Variants in FRMD5 observed in about 807,000 individuals in gnomAD.
FRMD5 encodes FERM domain containing 5, also known as FERM domain-containing protein 5.
A neutral mutation model predicts 69.0 loss-of-function variants in FRMD5; 20 were observed. The ratio of observed to expected loss-of-function variants is 0.29; its 90% CI spans 0.20 to 0.42. The LOEUF is 0.42. Ranked by LOEUF, FRMD5 falls within the 10% of genes least tolerant of loss-of-function variation. The pLI, the probability that FRMD5 is intolerant of heterozygous loss-of-function variation, is 1.00. For missense variants in FRMD5, 595 were observed against 708.6 expected (o/e 0.84, Z 1.82); for synonymous variants, 271 against 260.1 (o/e 1.04, Z -0.40).
chr15:44,036,718 A>G (rs964523334), intron 1 of FRMD5, among the ~76,000 whole-genome samples: 2 of 152,232 alleles, frequency 1.3e-5, no homozygotes, highest in African/African-American at 4.8e-5. Context: ...ACAAAATAGT[A>G]TATCATCTGT....
chr15:44,083,024 C>T (rs985190673), intron 1 of FRMD5, among the ~76,000 whole-genome samples: 2 of 151,924 alleles, frequency 1.3e-5, no homozygotes, highest in Non-Finnish European at 2.9e-5. Context: ...ATACTCTGTA[C>T]GTGATTCACT....
chr15:44,175,338 A>G (rs12916906), intron 1 of FRMD5, among the ~76,000 whole-genome samples: 5,345 of 152,284 alleles, frequency 0.035, 128 homozygotes, highest in Middle Eastern at 0.075. Context: ...TTCCAGCTCT[A>G]AAAGTCTAGG....
At chr15:44,014,419 T>G (rs1202269091) in intron 1 of FRMD5, among the ~76,000 whole-genome samples, 1 of 152,158 alleles carries the variant, frequency 6.6e-6, no homozygotes, top group Non-Finnish European at 1.5e-5. Flanking sequence ...CCTCTCTATA[T>G]CCCATTAAAA....
chr15:44,147,405 C>T (rs1010278864), intron 1 of FRMD5, among the ~76,000 whole-genome samples: 10 of 152,044 alleles, frequency 6.6e-5, no homozygotes, highest in Non-Finnish European at 1.5e-4. Context: ...AGTCGGGTAG[C>T]GTGATGCCTC....
At chr15:43,995,267 GA>G (rs938300214) in intron 1 of FRMD5, among the ~76,000 whole-genome samples, 4 of 152,130 alleles carry the variant, frequency 2.6e-5, no homozygotes, top group Non-Finnish European at 4.4e-5. Flanking sequence ...ATAATGACAA[GA>G]AAAAAAGTCT....
At chr15:44,010,461 G>A (rs1393289339) in intron 1 of FRMD5, among the ~76,000 whole-genome samples, 1 of 147,996 alleles carries the variant, frequency 6.8e-6, no homozygotes, top group Non-Finnish European at 1.5e-5. Context: ...GCAGTGGCAC[G>A]ATCTCAGCTC....
chr15:44,133,794 C>T (rs2077140948), intron 1 of FRMD5, among the ~76,000 whole-genome samples: 1 of 151,880 alleles, frequency 6.6e-6, no homozygotes, highest in South Asian at 2.1e-4. Context: ...TATTTAATCA[C>T]ACACAAAAAA....
At chr15:44,099,082 T>C (rs1024404410) in intron 1 of FRMD5, among the ~76,000 whole-genome samples, 1 of 152,230 alleles carries the variant, frequency 6.6e-6, no homozygotes, top group South Asian at 2.1e-4. Flanking sequence ...GGTTTCTGCA[T>C]GGAAGCCAAT....
intron 1 of FRMD5, among the ~76,000 whole-genome samples, chr15:44,154,173 A>G (rs2077490298): frequency 6.6e-6 from 1 of 151,950 alleles, no homozygotes; most frequent in South Asian, 2.1e-4. Flanking sequence ...AAATACAAAA[A>G]TTAACTGGGT....
intron 1 of FRMD5, among the ~76,000 whole-genome samples, chr15:44,072,338 T>C (rs1893576140): frequency 6.6e-6 from 1 of 152,212 alleles, no homozygotes; most frequent in Non-Finnish European, 1.5e-5. Flanking sequence ...TCTCAGTGTG[T>C]TGGAACTGCC....
At chr15:44,056,816 CT>C (rs1350224101) in intron 1 of FRMD5, among the ~76,000 whole-genome samples, 1 of 152,118 alleles carries the variant, frequency 6.6e-6, no homozygotes, top group African/African-American at 2.4e-5. Context: ...CCTTAAACAC[CT>C]CCTCAGTTTC....
intron 1 of FRMD5, among the ~76,000 whole-genome samples, chr15:44,002,251 T>C (rs768447836): frequency 5.9e-5 from 9 of 152,160 alleles, no homozygotes; most frequent in Non-Finnish European, 1.3e-4. Flanking sequence ...TGTGTGATCA[T>C]TGTTATTGGA....
chr15:44,030,670 C>T (rs1423235353), intron 1 of FRMD5, among the ~76,000 whole-genome samples: 6 of 152,078 alleles, frequency 3.9e-5, no homozygotes, highest in Non-Finnish European at 1.5e-5. Flanking sequence ...TAGCAAAGCT[C>T]AGTGATACCA....
At chr15:44,000,523 A>C (rs1389387851) in intron 1 of FRMD5, among the ~76,000 whole-genome samples, 1 of 150,286 alleles carries the variant, frequency 6.7e-6, no homozygotes, top group Non-Finnish European at 1.5e-5. Flanking sequence ...GCAGTGTCAC[A>C]ATCTCGGCTC....
At chr15:44,074,819 C>A (rs1446507182) in intron 1 of FRMD5, among the ~76,000 whole-genome samples, 1 of 152,120 alleles carries the variant, frequency 6.6e-6, no homozygotes, top group Non-Finnish European at 1.5e-5. Context: ...TTTTAAACTT[C>A]CTCACAAGGG....
At chr15:44,004,867 T>C (rs557060514) in intron 1 of FRMD5, among the ~76,000 whole-genome samples, 2 of 152,234 alleles carry the variant, frequency 1.3e-5, no homozygotes, top group Non-Finnish European at 2.9e-5. Context: ...TTGAGCCAAA[T>C]AGCCAAATTT....
At chr15:43,981,210 T>C (rs539961357) in intron 1 of FRMD5, among the ~76,000 whole-genome samples, 9 of 152,268 alleles carry the variant, frequency 5.9e-5, no homozygotes, top group East Asian at 5.8e-4. Flanking sequence ...TCCATCCACA[T>C]TGGCTTCCCA....
chr15:43,885,695 G>C lies in FRMD5; in HGVS notation c.945C>G (p.Ser315Arg), dbSNP rs1230645823. ...VSSSNLFFKG[S>R]RFRYSGRVAK... ...TCACTATTTACCTGTATCGGAACCGGCTCCCTTTAAAGAATAAATTGCTGC... is the reference window on the plus strand; with the variant it reads ...TCACTATTTACCTGTATCGGAACCGCCTCCCTTTAAAGAATAAATTGCTGC... Residue 315 changes from serine (S) to arginine (R), a missense_variant, in exon 11 of 14, where the codon AGC becomes AGG. Transcript: ENST00000417257. 1.9e-6 allele frequency: 3 copies of C among 1,613,614 alleles called. No homozygotes were observed. The highest frequency in any genetic ancestry group is 2.5e-6 in the Non-Finnish European group (3 of 1,179,670).
chr15:43,910,302 G>A (rs1030743284), intron 4 of FRMD5, among the ~76,000 whole-genome samples: 4 of 152,068 alleles, frequency 2.6e-5, no homozygotes, highest in African/African-American at 2.4e-5. Flanking sequence ...ATCTGGTGCC[G>A]AAAAAGAAAA....
Sources: gnomAD v4.1 joint callset for allele counts (sites outside exome capture counted in the v4.1 genomes callset) on GRCh38, gnomAD v4.1.1 for gene constraint, MANE v1.5 for transcripts, NCBI Gene and HGNC (gene_info 2026-07-23, HGNC 2026-07-21) for gene names.